The following B3GALT1 variants were observed in gnomAD, a reference collection of about 807,000 sequenced individuals.
B3GALT1 encodes beta-1,3-galactosyltransferase 1, also known as UDP-Gal:betaGlcNAc beta 1,3-galactosyltransferase, polypeptide 1.
In B3GALT1, 10 loss-of-function variants were observed where a neutral mutation model predicts 23.2. The observed-to-expected ratio is 0.43, with a 90% CI of 0.27 to 0.73. The LOEUF (loss-of-function observed/expected upper bound fraction) is 0.73, where lower values mean the gene tolerates loss of function less well. Among genes scored for constraint, B3GALT1 ranks in the 30% least tolerant of loss-of-function variants. The pLI is 0.21. For synonymous variants in B3GALT1, 156 were observed against 141.5 expected (o/e 1.10, Z -0.73); for missense variants, 299 against 405.4 (o/e 0.74, Z 2.25).
At chr2:167,822,326 T>A (rs575427478) in intron 4 of B3GALT1, among the ~76,000 whole-genome samples, 1 of 152,330 alleles carries the variant, frequency 6.6e-6, no homozygotes, top group African/African-American at 2.4e-5. Context: ...CAGAGCTGGT[T>A]ATAATAGGCT....
chr2:167,813,268 G>C (rs1465472433), intron 3 of B3GALT1, among the ~76,000 whole-genome samples: 1 of 152,156 alleles, frequency 6.6e-6, no homozygotes, highest in Non-Finnish European at 1.5e-5. Context: ...AATAGACTCT[G>C]TGCTGAGCTG....
chr2:167,713,421 C>G (rs1365674823), intron 3 of B3GALT1, among the ~76,000 whole-genome samples: 1 of 152,070 alleles, frequency 6.6e-6, no homozygotes, highest in South Asian at 2.1e-4. Context: ...TTAATTGCAC[C>G]ATCCTAACAA....
intron 3 of B3GALT1, among the ~76,000 whole-genome samples, chr2:167,798,039 T>C (rs1233771979): frequency 6.6e-6 from 1 of 152,198 alleles, no homozygotes; most frequent in African/African-American, 2.4e-5. Flanking sequence ...TCTCTAATGA[T>C]CTATGACATT....
At chr2:167,545,376 C>T (rs1683618193) in intron 2 of B3GALT1, among the ~76,000 whole-genome samples, 1 of 152,044 alleles carries the variant, frequency 6.6e-6, no homozygotes, top group Non-Finnish European at 1.5e-5. Flanking sequence ...TGACCCCTCC[C>T]CTTTTCCTTT....
chr2:167,503,918 A>G (rs1432961748), intron 2 of B3GALT1, among the ~76,000 whole-genome samples: 1 of 152,116 alleles, frequency 6.6e-6, no homozygotes, highest in Non-Finnish European at 1.5e-5. Context: ...ATTTTCTTAT[A>G]TTCTAGGTGT....
chr2:167,497,459 A>G (rs16853648), intron 2 of B3GALT1, among the ~76,000 whole-genome samples: 59,391 of 152,022 alleles, frequency 0.39, 12,484 homozygotes, highest in East Asian at 0.81. Flanking sequence ...TCTTTAAGCA[A>G]GATGCTCAAT....
chr2:167,355,906 A>G (rs944102385), intron 1 of B3GALT1, among the ~76,000 whole-genome samples: 2 of 152,350 alleles, frequency 1.3e-5, no homozygotes, highest in Admixed American at 1.3e-4. Context: ...CTGAGTCATT[A>G]CAAGGGTGGT....
intron 2 of B3GALT1, among the ~76,000 whole-genome samples, chr2:167,633,762 C>T (rs1317005288): frequency 6.6e-6 from 1 of 152,066 alleles, no homozygotes; most frequent in Non-Finnish European, 1.5e-5. Context: ...TTTAATGCCC[C>T]ACTGTCAATA....
chr2:167,427,235 T>C (rs550058677), intron 1 of B3GALT1, among the ~76,000 whole-genome samples: 2 of 152,280 alleles, frequency 1.3e-5, no homozygotes, highest in Admixed American at 6.5e-5. Context: ...GTTACTCCTA[T>C]GGGAAAGAAA....
At chr2:167,338,048 A>G (rs1054290713) in intron 1 of B3GALT1, among the ~76,000 whole-genome samples, 1 of 152,194 alleles carries the variant, frequency 6.6e-6, no homozygotes, top group South Asian at 2.1e-4. Context: ...GAAACACTGA[A>G]TATTATAGAT....
intron 2 of B3GALT1, among the ~76,000 whole-genome samples, chr2:167,572,759 A>G (rs1379563747): frequency 1.3e-5 from 2 of 151,792 alleles, no homozygotes; most frequent in African/African-American, 2.4e-5. Flanking sequence ...TACAAAAAAT[A>G]TGTCCGTATT....
rs921712716 is a variant in B3GALT1, at chr2:167,778,772, G to A, written c.-351-39900G>A. ...TATGAGACTGTACAAATGTTTGTGG[G>A]TGGCAAATCCTTTGACATGAAATCC... On this transcript the variant is annotated intron_variant, in intron 3 of 4. Coordinates refer to ENST00000392690, the MANE Select transcript of B3GALT1 (RefSeq NM_020981.4). Among the ~76,000 whole-genome samples, 4 of 152,306 alleles carry A rather than the reference G, an allele frequency of 2.6e-5. No homozygotes were observed. The East Asian group carries it at 7.7e-4, about 29-fold the overall frequency.
intron 2 of B3GALT1, among the ~76,000 whole-genome samples, chr2:167,631,769 C>CTTTTTTT (rs558837779): frequency 8.3e-6 from 1 of 120,588 alleles, no homozygotes; most frequent in Non-Finnish European, 1.7e-5. Context: ...CTTTTCTTTT[C>CTTTTTTT]TTTTTTTTTT....
At chr2:167,665,379 G>A (rs1445210235) in intron 3 of B3GALT1, among the ~76,000 whole-genome samples, 2 of 140,262 alleles carry the variant, frequency 1.4e-5, no homozygotes, top group East Asian at 4.1e-4. Context: ...ATTTTATTGA[G>A]GATTTTTGCA....
chr2:167,813,074 T>C (rs1688924653), intron 3 of B3GALT1, among the ~76,000 whole-genome samples: 1 of 150,614 alleles, frequency 6.6e-6, no homozygotes, highest in Non-Finnish European at 1.5e-5. Flanking sequence ...ATGATATCTG[T>C]CTTCAGAAAG....
chr2:167,321,164 A>G (rs1378315913), intron 1 of B3GALT1, among the ~76,000 whole-genome samples: 1 of 152,010 alleles, frequency 6.6e-6, no homozygotes, highest in African/African-American at 2.4e-5. Context: ...TGACCCCCCA[A>G]TCTATTAATA....
intron 1 of B3GALT1, among the ~76,000 whole-genome samples, chr2:167,379,004 A>G (rs1010239162): frequency 6.6e-6 from 1 of 152,048 alleles, no homozygotes; most frequent in African/African-American, 2.4e-5. Flanking sequence ...TCTTCCTGTA[A>G]TAGTCTGTTT....
At chr2:167,295,603 A>C (rs1247535904) in intron 1 of B3GALT1, among the ~76,000 whole-genome samples, 1 of 152,260 alleles carries the variant, frequency 6.6e-6, no homozygotes, top group East Asian at 1.9e-4. Context: ...CCAGTACTAA[A>C]AATGGAACTT....
In B3GALT1 at chr2:167,704,138, A is replaced by G. The variant is rs138489363; in HGVS notation, c.-352+57172A>G. Among the ~76,000 whole-genome samples the G allele has an allele frequency of 5.6e-3, 781 of 140,402 alleles. 4 individuals carry two copies. Among genetic ancestry groups the G allele is most frequent in the African/African-American group, 0.018 (680 of 37,598 alleles). 92.1% of individuals were successfully genotyped at this position (140,402 alleles called of 152,430 possible). A position where few individuals can be genotyped will look rare whatever the true frequency, so the allele number is the denominator to read the frequency against. ...GGAGCTTGCAATGAGCCGAGATCGC[A>G]CCACTGCACTCCAGACTGGGCAAAG... On this transcript the variant is annotated intron_variant, in intron 3 of 4. Transcript: ENST00000392690.
Sources: gnomAD v4.1 joint callset for allele counts (sites outside exome capture counted in the v4.1 genomes callset) on GRCh38, gnomAD v4.1.1 for gene constraint, MANE v1.5 for transcripts, NCBI Gene and HGNC (gene_info 2026-07-23, HGNC 2026-07-21) for gene names.